ROR2: variants seen among roughly 807,000 people sequenced by gnomAD.
The protein encoded by ROR2 is tyrosine-protein kinase transmembrane receptor ROR2.
In ROR2, 33 loss-of-function variants were observed where a neutral mutation model predicts 74.9. That is an observed-to-expected ratio of 0.44 (90% CI 0.33 to 0.59). The LOEUF (loss-of-function observed/expected upper bound fraction) is 0.59, where lower values mean the gene tolerates loss of function less well. ROR2 is among the 20% of genes least tolerant of loss of function. The pLI is 0.02. For synonymous variants in ROR2, 586 were observed against 558.7 expected (o/e 1.05, Z -0.69); for missense variants, 1,216 against 1,313.8 (o/e 0.93, Z 1.15).
At chr9:91,764,781 A>G (rs1313320312) in intron 2 of ROR2, among the ~76,000 whole-genome samples, 1 of 152,194 alleles carries the variant, frequency 6.6e-6, no homozygotes, top group Non-Finnish European at 1.5e-5. Flanking sequence ...GTAAAGGACT[A>G]AGGCTGCAAA....
intron 1 of ROR2, among the ~76,000 whole-genome samples, chr9:91,903,594 A>T (rs1830727770): frequency 1.3e-5 from 2 of 152,130 alleles, no homozygotes; most frequent in Non-Finnish European, 2.9e-5. Flanking sequence ...ATTTTCTGTA[A>T]AGGGAAGAAC....
chr9:91,759,167 T>G (rs1410931014), intron 2 of ROR2, among the ~76,000 whole-genome samples: 1 of 151,994 alleles, frequency 6.6e-6, no homozygotes, highest in East Asian at 1.9e-4. Context: ...GGGTAAGAAG[T>G]GTTGTAGGAT....
rs551022583 is a variant in ROR2, at chr9:91,948,812, T to A, written c.97+1055A>T. On this transcript the variant is annotated intron_variant, in intron 1 of 8. Transcript: ENST00000375708. ...GCTTCAGGCGAACCCCATAGGTCTCTGGCGCTCCTGGGCCTGAAGGCCCCG... is the reference window on the plus strand; with the variant it reads ...GCTTCAGGCGAACCCCATAGGTCTCAGGCGCTCCTGGGCCTGAAGGCCCCG... 7 of 985,496 alleles carry A rather than the reference T, an allele frequency of 7.1e-6. No homozygotes were observed. In the South Asian group the frequency reaches 3.3e-4, roughly 46 times the overall value. 61.0% of individuals were successfully genotyped at this position (985,496 alleles called of 1,614,324 possible). A position where few individuals can be genotyped will look rare whatever the true frequency, so the allele number is the denominator to read the frequency against.
chr9:91,763,268 C>A (rs555776092), intron 2 of ROR2, among the ~76,000 whole-genome samples: 1 of 152,272 alleles, frequency 6.6e-6, no homozygotes, highest in African/African-American at 2.4e-5. Context: ...CACCAAACCC[C>A]CACGGCACAC....
At chr9:91,768,254 G>A (rs1308297205) in intron 2 of ROR2, among the ~76,000 whole-genome samples, 2 of 152,050 alleles carry the variant, frequency 1.3e-5, no homozygotes, top group South Asian at 2.1e-4. Context: ...AAGGCACCTC[G>A]TCTTGAAGTC....
chr9:91,775,813 C>A lies in ROR2; in HGVS notation c.103G>T (p.Val35Leu), dbSNP rs1826399332. The A allele has an allele frequency of 2.5e-6, 4 of 1,614,034 alleles. No homozygotes were observed. In the Admixed American group the frequency reaches 5.0e-5, roughly 20 times the overall value. Reference protein sequence around the residue: ...LLSVSRTSGEVEVLDPNDPLG... With the variant: ...LLSVSRTSGELEVLDPNDPLG... ...GGGTCGTTCGGATCCAGAACCTCCA[C>A]TTCACCTGGGAAAAAGAAACCAGGA... The change falls in exon 2 of 9, where the codon GTG (valine) becomes TTG (leucine). Residue 35 changes from valine to leucine, a missense_variant. Coordinates refer to ENST00000375708, the MANE Select transcript of ROR2 (RefSeq NM_004560.4).
Position 91,839,247 on chromosome 9 carries a change from CGG to C in ROR2, c.98-63431_98-63430del, listed in dbSNP as rs11420421. Among the ~76,000 whole-genome samples the C allele has an allele frequency of 5.0e-3, 487 of 97,922 alleles. 4 individuals carry two copies. Among genetic ancestry groups the C allele is most frequent in the East Asian group, 0.014 (42 of 2,926 alleles). The allele number at this position is 97,922 out of a possible 152,430, so 64.2% of individuals were successfully genotyped here. On this transcript the variant is annotated intron_variant, in intron 1 of 8. Coordinates refer to ENST00000375708, the MANE Select transcript of ROR2 (RefSeq NM_004560.4). The stretch of plus-strand genomic sequence containing the variant: ...GGCCTGATTCCTGGTGCTGTCAGAT[CGG>C]GGGTGTGTGTGTGTGTGTGTGTGTG...
intron 1 of ROR2, among the ~76,000 whole-genome samples, chr9:91,873,255 T>A (rs1193711189): frequency 6.6e-6 from 1 of 152,174 alleles, no homozygotes; most frequent in East Asian, 1.9e-4. Context: ...ACTAGACTAC[T>A]ACTGGAAGCT....
intron 1 of ROR2, among the ~76,000 whole-genome samples, chr9:91,828,293 T>G (rs1231559926): frequency 6.6e-6 from 1 of 152,244 alleles, no homozygotes; most frequent in Non-Finnish European, 1.5e-5. Flanking sequence ...AATGGAATGT[T>G]TCCCCTGTAC....
chr9:91,916,868 A>G (rs2119442813), intron 1 of ROR2, among the ~76,000 whole-genome samples: 2 of 152,258 alleles, frequency 1.3e-5, no homozygotes, highest in South Asian at 4.1e-4. Flanking sequence ...AACATGGTAG[A>G]AAGATTCTCT....
chr9:91,829,140 C>T (rs1313954656), intron 1 of ROR2, among the ~76,000 whole-genome samples: 1 of 152,170 alleles, frequency 6.6e-6, no homozygotes, highest in Non-Finnish European at 1.5e-5. Context: ...CACCTCCAAG[C>T]CAATTAAACT....
intron 1 of ROR2, among the ~76,000 whole-genome samples, chr9:91,818,701 AG>A (rs1828028839): frequency 1.3e-5 from 2 of 152,340 alleles, no homozygotes; most frequent in Admixed American, 1.3e-4. Context: ...ATGAGAAAAC[AG>A]AAAGAACAGA....
chr9:91,897,664 G>A (rs952183416), intron 1 of ROR2, among the ~76,000 whole-genome samples: 6 of 152,158 alleles, frequency 3.9e-5, no homozygotes, highest in African/African-American at 1.4e-4. Context: ...CAGGTGGGCT[G>A]AGGACAGGCT....
intron 1 of ROR2, among the ~76,000 whole-genome samples, chr9:91,941,491 CTA>C (rs1044589327): frequency 8.5e-5 from 13 of 152,168 alleles, no homozygotes; most frequent in Non-Finnish European, 1.8e-4. Context: ...CGTGTATGTC[CTA>C]TGAGTACAGA....
rs1161405272 is a variant in ROR2, at chr9:91,723,113, A to T, written c.*549T>A. 1 of 160,206 alleles carries T rather than the reference A, an allele frequency of 6.2e-6. No individual in the cohort carries two copies. The highest frequency in any genetic ancestry group is 1.4e-5 in the Non-Finnish European group (1 of 72,586). 9.9% of individuals were successfully genotyped at this position (160,206 alleles called of 1,614,324 possible). A position where few individuals can be genotyped will look rare whatever the true frequency, so the allele number is the denominator to read the frequency against. ...AAGCCCCTTGTCTTCCGACCCCAAC[A>T]GGCAGCAGAGGGCAGCCTCCGTTCC... On this transcript the variant is annotated 3_prime_UTR_variant, in exon 9 of 9. Coordinates refer to ENST00000375708, the MANE Select transcript of ROR2 (RefSeq NM_004560.4).
rs182954260 is a variant in ROR2 at position 91,808,579 on chromosome 9, G to T, written c.98-32761C>A. Among the ~76,000 whole-genome samples the T allele has an allele frequency of 5.9e-3, 895 of 152,018 alleles. 6 individuals are homozygous for T. The highest frequency in any genetic ancestry group is 0.02 in the African/African-American group (826 of 41,470). On this transcript the variant is annotated intron_variant, in intron 1 of 8. Transcript: ENST00000375708. Reference sequence around the variant, plus strand: ...GTGGAGCTTGCAGTGAGCCGAGATCGTGCCACTGCACTCCAGCCTGGTGAC... The same window carrying T: ...GTGGAGCTTGCAGTGAGCCGAGATCTTGCCACTGCACTCCAGCCTGGTGAC...
intron 1 of ROR2, among the ~76,000 whole-genome samples, chr9:91,938,600 C>T (rs1171777642): frequency 6.6e-6 from 1 of 151,884 alleles, no homozygotes; most frequent in Non-Finnish European, 1.5e-5. Flanking sequence ...CCAGCCTGGG[C>T]AACAGAGCAA....
At chr9:91,921,835 T>C (rs1236334487) in intron 1 of ROR2, among the ~76,000 whole-genome samples, 1 of 138,084 alleles carries the variant, frequency 7.2e-6, no homozygotes, top group Non-Finnish European at 1.5e-5. Flanking sequence ...CACTCCAGCC[T>C]GGGCAACAGA....
rs1831903167 is a variant in ROR2 at position 91,942,579 on chromosome 9, C to T, written c.97+7288G>A. ...AAGTGCCCTCTCTTCCCCACCCCTC[C>T]CACTTAGGTTTTGTAGTAAATTAGT... On this transcript the variant is annotated intron_variant, in intron 1 of 8. Transcript: ENST00000375708. Among the ~76,000 whole-genome samples, 2 of 152,158 alleles carry T rather than the reference C, an allele frequency of 1.3e-5. 1 individual carries two copies. The highest frequency in any genetic ancestry group is 1.3e-4 in the Admixed American group (2 of 15,274).
Sources: gnomAD v4.1 joint callset for allele counts (sites outside exome capture counted in the v4.1 genomes callset) on GRCh38, gnomAD v4.1.1 for gene constraint, MANE v1.5 for transcripts, NCBI Gene and HGNC (gene_info 2026-07-23, HGNC 2026-07-21) for gene names.